SCAPER: variants seen among roughly 807,000 people sequenced by gnomAD.
SCAPER encodes the protein S phase cyclin A-associated protein in the endoplasmic reticulum.
In SCAPER, 98 loss-of-function variants were observed where a neutral mutation model predicts 182.2. The ratio of observed to expected loss-of-function variants is 0.54; its 90% CI spans 0.46 to 0.64. SCAPER has a LOEUF of 0.64. Among genes scored for constraint, SCAPER ranks in the 30% least tolerant of loss-of-function variants. SCAPER has a pLI of 0.00. For missense variants in SCAPER, 1,432 were observed against 1,690.0 expected, an observed-to-expected ratio of 0.85 and a Z score of 2.68; for synonymous variants, 605 against 564.6, an observed-to-expected ratio of 1.07 and a Z score of -1.01.
intron 2 of SCAPER, among the ~76,000 whole-genome samples, chr15:76,878,762 T>C (rs991335837): frequency 6.6e-6 from 1 of 151,806 alleles, no homozygotes. Flanking sequence ...ATTCTGTCTC[T>C]ATTTAAAAAA....
At chr15:76,842,609 C>T in intron 4 of SCAPER, among the ~76,000 whole-genome samples, 1 of 152,146 alleles carries the variant, frequency 6.6e-6, no homozygotes, top group East Asian at 1.9e-4. Flanking sequence ...TTCATTACAG[C>T]AGTATGAAAA....
chr15:76,385,113 A>T (rs776362530), intron 27 of SCAPER: 2 of 152,260 alleles, frequency 1.3e-5, no homozygotes, highest in African/African-American at 4.8e-5. Flanking sequence ...AGATTCAATT[A>T]GGAAAAACTA....
chr15:76,711,484 C>A (rs1191226890), intron 17 of SCAPER, among the ~76,000 whole-genome samples: 1 of 152,120 alleles, frequency 6.6e-6, no homozygotes, highest in Non-Finnish European at 1.5e-5. Flanking sequence ...CGACCACACA[C>A]CAACAAGAAA....
intron 29 of SCAPER, among the ~76,000 whole-genome samples, chr15:76,371,319 CTTT>C (rs558300032): frequency 8.7e-5 from 12 of 137,430 alleles, no homozygotes; most frequent in South Asian, 2.3e-4. Flanking sequence ...CTCTCTCTCT[CTTT>C]TTTTTTTTTT....
intron 5 of SCAPER, among the ~76,000 whole-genome samples, chr15:76,822,741 C>CACTG (rs2067681579): frequency 6.6e-6 from 1 of 152,098 alleles, no homozygotes; most frequent in South Asian, 2.1e-4. Context: ...TGGTACTGAT[C>CACTG]ACTGATGCAT....
At chr15:76,588,187 G>A (rs1005706825) in intron 22 of SCAPER, among the ~76,000 whole-genome samples, 1 of 152,172 alleles carries the variant, frequency 6.6e-6, no homozygotes, top group Non-Finnish European at 1.5e-5. Flanking sequence ...CTCCCAAAGT[G>A]CTGGGATTAC....
intron 1 of SCAPER, 105 bp from the exon 2 acceptor site, chr15:76,883,981 C>G: frequency 1.7e-6 from 1 of 582,576 alleles, no homozygotes; most frequent in Non-Finnish European, 2.9e-6. Flanking sequence ...TAAACAACAA[C>G]AAAAAAAACT....
intron 22 of SCAPER, among the ~76,000 whole-genome samples, chr15:76,593,971 T>C (rs1305048865): frequency 8.3e-6 from 1 of 120,376 alleles, no homozygotes; most frequent in Admixed American, 9.6e-5. Context: ...GGATGGAGAA[T>C]GAGTTTGACA....
At chr15:76,458,409 C>CAAACAT (rs2048908006) in intron 25 of SCAPER, among the ~76,000 whole-genome samples, 1 of 150,648 alleles carries the variant, frequency 6.6e-6, no homozygotes, top group Non-Finnish European at 1.5e-5. Context: ...TACAAACATA[C>CAAACAT]ACACACACAC....
chr15:76,787,948 G>A (rs1028426473), intron 8 of SCAPER, among the ~76,000 whole-genome samples: 5 of 151,948 alleles, frequency 3.3e-5, no homozygotes, highest in African/African-American at 1.2e-4. Context: ...AACACAACAC[G>A]AGTGTCTAGA....
chr15:76,399,910 CAGG>C (rs2044338144), intron 27 of SCAPER, among the ~76,000 whole-genome samples: 1 of 150,068 alleles, frequency 6.7e-6, no homozygotes, highest in Admixed American at 6.7e-5. Context: ...GAGGCTGAGG[CAGG>C]AGAATAACTT....
intron 1 of SCAPER, among the ~76,000 whole-genome samples, chr15:76,899,795 G>A (rs1859650413): frequency 6.6e-6 from 1 of 150,958 alleles, no homozygotes; most frequent in South Asian, 2.1e-4. Context: ...GAAGTGAGGA[G>A]CACCTCTGCC....
At chr15:76,551,454 G>A (rs2045763326) in intron 23 of SCAPER, among the ~76,000 whole-genome samples, 1 of 152,104 alleles carries the variant, frequency 6.6e-6, no homozygotes, top group East Asian at 1.9e-4. Context: ...AATATGCCAG[G>A]CAGAGAAAGA....
intron 26 of SCAPER, among the ~76,000 whole-genome samples, chr15:76,432,738 G>C (rs1021300909): frequency 2.0e-5 from 3 of 152,246 alleles, no homozygotes; most frequent in Non-Finnish European, 2.9e-5. Context: ...GGCTGACCTT[G>C]AACAGGTGTC....
At chr15:76,850,935 C>A (rs988698966) in intron 4 of SCAPER, among the ~76,000 whole-genome samples, 2 of 148,944 alleles carry the variant, frequency 1.3e-5, no homozygotes, top group South Asian at 4.2e-4. Flanking sequence ...AGGAGACAGG[C>A]AAAACCCAAT....
At chr15:76,795,635 T>C (rs1346434988) in intron 7 of SCAPER, among the ~76,000 whole-genome samples, 195 bp from the exon 8 acceptor site, 3 of 152,222 alleles carry the variant, frequency 2.0e-5, no homozygotes, top group Non-Finnish European at 2.9e-5. Flanking sequence ...TTATATAGTA[T>C]AACATATGGG....
At chr15:76,729,902 T>C (rs543575230) in intron 16 of SCAPER, among the ~76,000 whole-genome samples, 55 of 152,224 alleles carry the variant, frequency 3.6e-4, no homozygotes, top group African/African-American at 1.1e-3. Flanking sequence ...TCTGAATCCA[T>C]ACCCATTCCC....
intron 25 of SCAPER, among the ~76,000 whole-genome samples, chr15:76,467,876 A>C (rs569159897): frequency 6.6e-6 from 1 of 152,100 alleles, no homozygotes; most frequent in African/African-American, 2.4e-5. Flanking sequence ...GCCAAAACAA[A>C]CTCCAAGTGG....
At chr15:76,744,715 G>A (rs997002737) in intron 15 of SCAPER, among the ~76,000 whole-genome samples, 5 of 152,262 alleles carry the variant, frequency 3.3e-5, no homozygotes, top group African/African-American at 7.2e-5. Flanking sequence ...ACTGTGGAAC[G>A]CAGTGTGGCA....
Sources: gnomAD v4.1 joint callset for allele counts (sites outside exome capture counted in the v4.1 genomes callset) on GRCh38, gnomAD v4.1.1 for gene constraint, MANE v1.5 for transcripts, NCBI Gene and HGNC (gene_info 2026-07-23, HGNC 2026-07-21) for gene names.